Variants in NOTCH1 observed in about 807,000 individuals in gnomAD.
The protein encoded by NOTCH1 is notch receptor 1.
A neutral mutation model predicts 254.8 loss-of-function variants in NOTCH1; 37 were observed. That is an observed-to-expected ratio of 0.15 (90% confidence interval 0.11 to 0.19). The LOEUF (loss-of-function observed/expected upper bound fraction) is 0.19. Ranked by LOEUF, NOTCH1 falls within the 10% of genes least tolerant of loss-of-function variation. The pLI is 1.00. For missense variants in NOTCH1, 2,972 were observed against 3,708.6 expected, an observed-to-expected ratio of 0.80 and a Z score of 5.16; for synonymous variants, 1,731 against 1,618.1, an observed-to-expected ratio of 1.07 and a Z score of -1.68.
chr9:136,502,359 T>G lies in NOTCH1; in HGVS notation c.5297A>C (p.Gln1766Pro). 2 of 1,612,446 alleles carry G rather than the reference T, an allele frequency of 1.2e-6. No individual in the cohort carries two copies. Among genetic ancestry groups the G allele is most frequent in the Non-Finnish European group, 1.7e-6 (2 of 1,179,794 alleles). ...TTTGAAGCCCTCAGGGAACCAGAGC[T>G]GGCCATGCTGCCGCCGGCGCTTGCG... ...LSRKRRRQHG[Q>P]LWFPEGFKVS... The change falls in exon 28 of 34, where the codon CAG (glutamine) becomes CCG (proline). Residue 1766 changes from glutamine (Q) to proline (P), a missense_variant. By Grantham distance (76) the Gln-to-Pro change is moderately conservative (BLOSUM62 -1). Transcript: ENST00000651671.
rs777423973 is a variant in NOTCH1, at chr9:136,500,649, C to A, written c.5837G>T (p.Arg1946Leu). Residue 1946 changes from arginine (R) to leucine (L), a missense_variant, in exon 31 of 34, where the codon CGC (arginine) becomes CTC (leucine). This residue lies in a region of NOTCH1 where 421 missense variants were observed against 604.4 expected (regional missense o/e 0.70). Transcript: ENST00000651671. ...ARYSRSDAAK[R>L]LLEASADANI... ...GGCATCTGCGCTGGCCTCCAGCAGG[C>A]GCTTGGCGGCATCAGAGCGTGAGTA... 1 of 1,611,782 alleles carries A rather than the reference C, an allele frequency of 6.2e-7. No homozygotes were observed. The highest frequency in any genetic ancestry group is 8.5e-7 in the Non-Finnish European group (1 of 1,179,884).
At chr9:136,507,831 T>G in intron 21 of NOTCH1, 124 bp downstream of exon 21, 5 of 1,042,176 alleles carry the variant, frequency 4.8e-6, no homozygotes, top group Non-Finnish European at 7.3e-6. Flanking sequence ...CCTCCCCTAA[T>G]GAGACTGAAC....
chr9:136,525,273 C>A (rs1016658208), intron 2 of NOTCH1, among the ~76,000 whole-genome samples: 2 of 152,208 alleles, frequency 1.3e-5, no homozygotes, highest in Non-Finnish European at 2.9e-5. Flanking sequence ...AGGGGTCCTG[C>A]ATCTCCACCC....
intron 2 of NOTCH1, among the ~76,000 whole-genome samples, chr9:136,538,539 G>A (rs1354798249): frequency 2.0e-5 from 3 of 152,240 alleles, no homozygotes; most frequent in Non-Finnish European, 4.4e-5. Flanking sequence ...TGGGAAACTC[G>A]AGGCCGTCAA....
intron 15 of NOTCH1, 102 bp downstream of exon 15, chr9:136,512,919 G>GCCCC: frequency 6.5e-6 from 1 of 153,874 alleles, no homozygotes; most frequent in Non-Finnish European, 1.3e-5. Flanking sequence ...CCCCACCCCT[G>GCCCC]GCCCCACCCT....
Position 136,495,057 on chromosome 9 carries a change from G to A in NOTCH1, c.*1014C>T, listed in dbSNP as rs977424091. The A allele has an allele frequency of 1.3e-5, 5 of 398,896 alleles. No homozygotes were observed. The highest frequency in any genetic ancestry group is 1.8e-5 in the Non-Finnish European group (4 of 226,110). 24.7% of individuals were successfully genotyped at this position (398,896 alleles called of 1,614,324 possible). A position where few individuals can be genotyped will look rare whatever the true frequency, so the allele number is the denominator to read the frequency against. On this transcript the variant is annotated 3_prime_UTR_variant, in exon 34 of 34. Transcript: ENST00000651671. ...GGGAGCCCACGGGGGGTCGGGTCCC[G>A]CGAGCTGGGGCCCAGGCTGTGTTGC...
chr9:136,495,005 G>A lies in NOTCH1; in HGVS notation c.*1066C>T, dbSNP rs1043276598. On this transcript the variant is annotated 3_prime_UTR_variant, in exon 34 of 34. Coordinates refer to ENST00000651671, the MANE Select transcript of NOTCH1 (RefSeq NM_017617.5). ...CGGCGTTGCACAGCTCAATGTGCCCGGCTCTGGCAAGTCTCCTACAAAACA... is the reference window on the plus strand; with the variant it reads ...CGGCGTTGCACAGCTCAATGTGCCCAGCTCTGGCAAGTCTCCTACAAAACA... 7 of 398,808 alleles carry A rather than the reference G, an allele frequency of 1.8e-5. No homozygotes were observed. The highest frequency in any genetic ancestry group is 6.2e-4 in the Middle Eastern group (1 of 1,610). The allele number at this position is 398,808 out of a possible 1,614,324, so 24.7% of individuals were successfully genotyped here. A position where few individuals can be genotyped will look rare whatever the true frequency, so the allele number is the denominator to read the frequency against.
intron 17 of NOTCH1, 107 bp downstream of exon 17, chr9:136,510,546 C>T: frequency 2.1e-6 from 3 of 1,441,674 alleles, no homozygotes; most frequent in Non-Finnish European, 9.4e-7. Context: ...CGGCCACACT[C>T]CGGCCTCCCT....
At chr9:136,515,243 G>C (rs1843244749) in intron 12 of NOTCH1, 47 bp downstream of exon 12, 1 of 1,569,982 alleles carries the variant, frequency 6.4e-7, no homozygotes, top group East Asian at 2.2e-5. Context: ...GGCTGACCTT[G>C]ACCTCTGAGC....
At chr9:136,514,488 C>A in intron 13 of NOTCH1, 22 bp downstream of exon 13, 1 of 1,551,946 alleles carries the variant, frequency 6.4e-7, no homozygotes, top group Non-Finnish European at 8.7e-7. Context: ...GATGTGTCCC[C>A]ATGATCGGCC....
intron 2 of NOTCH1, among the ~76,000 whole-genome samples, chr9:136,542,570 G>A (rs1843747464): frequency 1.4e-5 from 2 of 141,956 alleles, no homozygotes. Context: ...AAAAAAAGTA[G>A]TGCGCATTCA....
chr9:136,519,434 T>C lies in NOTCH1; in HGVS notation c.865+9A>G, dbSNP rs766465933. The stretch of plus-strand genomic sequence containing the variant: ...GGCTACCCCGCCCTGCGGCGACCCG[T>C]ATACGCGCCTGTCCACTCTGGCGGG... On this transcript the variant is annotated intron_variant, in intron 5 of 33. Transcript: ENST00000651671. 6.2e-7 allele frequency: 1 copy of C among 1,612,734 alleles called. No homozygotes were observed. The highest frequency in any genetic ancestry group is 1.1e-5 in the South Asian group (1 of 91,090).
rs1190365932 is a variant in NOTCH1 at position 136,497,336 on chromosome 9, G to A, written c.6403C>T (p.Leu2135=). The change falls in exon 34 of 34, where the codon CTG becomes TTG. Residue 2135 remains leucine, a synonymous_variant. Coordinates refer to ENST00000651671, the MANE Select transcript of NOTCH1 (RefSeq NM_017617.5). ...TTGGGCGAGCAGAGCGGGGGCGACAGGGTGGGCGTGCCCCCCAGCGGGGCT... is the reference window on the plus strand; with the variant it reads ...TTGGGCGAGCAGAGCGGGGGCGACAAGGTGGGCGTGCCCCCCAGCGGGGCT... ...HGAPLGGTPT[L]SPPLCSPNGY... 2 of 1,606,210 alleles carry A rather than the reference G, an allele frequency of 1.2e-6. No individual in the cohort carries two copies. Among genetic ancestry groups the A allele is most frequent in the Admixed American group, 1.7e-5 (1 of 59,948 alleles).
chr9:136,520,131 T>C (rs1054692663), intron 4 of NOTCH1, among the ~76,000 whole-genome samples: 3 of 152,056 alleles, frequency 2.0e-5, no homozygotes, highest in Non-Finnish European at 4.4e-5. Context: ...CCCCGAGGTA[T>C]GGCCCCACCC....
In NOTCH1 at chr9:136,545,010, G is replaced by C. The variant is rs909770516; in HGVS notation, c.61+716C>G. 9.2e-5 allele frequency among the ~76,000 whole-genome samples: 14 copies of C among 152,174 alleles called. No homozygotes were observed. The highest frequency in any genetic ancestry group is 1.6e-4 in the Non-Finnish European group (11 of 68,024). On this transcript the variant is annotated intron_variant, in intron 1 of 33. Transcript: ENST00000651671. The surrounding 1 kb of genome is among the most constrained non-coding windows in gnomAD (Gnocchi z 6.8). ...TGGATTAATCACTCGATTCCCCAGA[G>C]ACCCCGCTCGCTGTGCGGCGGGGAG...
chr9:136,543,991 C>T, intron 2 of NOTCH1, 33 bp downstream of exon 2: 4 of 1,549,692 alleles, frequency 2.6e-6, no homozygotes, highest in Non-Finnish European at 2.6e-6. Context: ...CTGCCCTCGA[C>T]AAAGCAACAG....
chr9:136,494,521 T>C lies in NOTCH1; in HGVS notation c.*1550A>G. On this transcript the variant is annotated 3_prime_UTR_variant, in exon 34 of 34. Coordinates refer to ENST00000651671, the MANE Select transcript of NOTCH1 (RefSeq NM_017617.5). Reference sequence around the variant, plus strand: ...AATACATCATCTACAGTTCCTCATGTAGATCACTTTTAAAGTCTTTTTCTG... The same window carrying C: ...AATACATCATCTACAGTTCCTCATGCAGATCACTTTTAAAGTCTTTTTCTG... 2.5e-6 allele frequency: 1 copy of C among 399,060 alleles called. No homozygotes were observed. Among genetic ancestry groups the C allele is most frequent in the Non-Finnish European group, 4.4e-6 (1 of 226,082 alleles). The allele number at this position is 399,060 out of a possible 1,614,324, so 24.7% of individuals were successfully genotyped here.
At chr9:136,543,781 G>A in intron 2 of NOTCH1, 1 of 611,256 alleles carries the variant, frequency 1.6e-6, no homozygotes, top group Non-Finnish European at 2.9e-6. Context: ...TGACCCCGGA[G>A]CCTGAGGTGG....
chr9:136,507,516 C>G, intron 21 of NOTCH1, 79 bp from the exon 22 acceptor site: 1 of 1,538,912 alleles, frequency 6.5e-7, no homozygotes, highest in South Asian at 1.2e-5. Context: ...ACTGTGAGGG[C>G]TGACAGGGCC....
Sources: allele counts gnomAD v4.1 joint callset (sites outside exome capture counted in the v4.1 genomes callset), GRCh38; gene constraint gnomAD v4.1.1; regional missense constraint gnomAD v4.1.1; non-coding constraint Gnocchi (gnomAD v3.1); transcripts MANE v1.5; gene names NCBI Gene and HGNC (gene_info 2026-07-23, HGNC 2026-07-21).